PPP1R1C: variants seen among roughly 807,000 people sequenced by gnomAD.
The protein encoded by PPP1R1C is protein phosphatase 1 regulatory inhibitor subunit 1C.
A neutral mutation model predicts 17.4 loss-of-function variants in PPP1R1C; 15 were observed. That is an observed-to-expected ratio of 0.86 (90% CI 0.58 to 1.33). PPP1R1C has a LOEUF of 1.33. PPP1R1C is among the 40% of genes most tolerant of loss of function. The probability of loss-of-function intolerance (pLI) is 0.00; values close to 1 mark genes in which losing one functional copy is unlikely to be tolerated. For missense variants in PPP1R1C, 143 were observed against 130.0 expected, an observed-to-expected ratio of 1.10 and a Z score of -0.48; for synonymous variants, 35 against 43.1, an observed-to-expected ratio of 0.81 and a Z score of 0.73.
chr2:182,100,495 C>A, intron 4 of PPP1R1C, among the ~76,000 whole-genome samples: 1 of 146,418 alleles, frequency 6.8e-6, no homozygotes, highest in African/African-American at 2.5e-5. Flanking sequence ...AGCAACAGAG[C>A]GAGATTCCAT....
At chr2:181,956,912 A>G (rs758173962) in intron 1 of PPP1R1C, among the ~76,000 whole-genome samples, 4 of 152,236 alleles carry the variant, frequency 2.6e-5, no homozygotes, top group Admixed American at 6.5e-5. Flanking sequence ...GAAATGTTAC[A>G]TAATTTTGTT....
At chr2:181,999,755 G>T (rs2125148303) in intron 2 of PPP1R1C, among the ~76,000 whole-genome samples, 2 of 148,288 alleles carry the variant, frequency 1.3e-5, no homozygotes, top group South Asian at 2.1e-4. Flanking sequence ...GCTTATACTA[G>T]ATATTTTATT....
chr2:182,015,081 C>T (rs1686217527), intron 2 of PPP1R1C, among the ~76,000 whole-genome samples: 1 of 152,076 alleles, frequency 6.6e-6, no homozygotes, highest in Non-Finnish European at 1.5e-5. Context: ...AGACAAAGTC[C>T]CCTTTAGTCT....
intron 4 of PPP1R1C, among the ~76,000 whole-genome samples, chr2:182,093,151 C>T (rs988840890): frequency 3.9e-5 from 6 of 152,146 alleles, no homozygotes; most frequent in Admixed American, 3.9e-4. Context: ...GTTCCCAAAC[C>T]ACAATTCTTG....
chr2:182,103,704 C>T (rs1689165173), intron 4 of PPP1R1C: 3 of 152,162 alleles, frequency 2.0e-5, no homozygotes, highest in Admixed American at 2.0e-4. Context: ...AGAGTGTAAA[C>T]TGCATGTCCT....
chr2:181,973,562 C>T (rs1211516744), intron 1 of PPP1R1C, among the ~76,000 whole-genome samples: 2 of 152,130 alleles, frequency 1.3e-5, no homozygotes, highest in African/African-American at 2.4e-5. Flanking sequence ...CAGGAGAGAG[C>T]TATTTGTCAA....
chr2:182,066,327 T>C (rs1015184935), intron 4 of PPP1R1C, among the ~76,000 whole-genome samples: 1 of 152,144 alleles, frequency 6.6e-6, no homozygotes, highest in African/African-American at 2.4e-5. Context: ...TGTTATATTT[T>C]GTATCCTGAC....
intron 2 of PPP1R1C, among the ~76,000 whole-genome samples, chr2:182,022,475 T>C (rs1395636497): frequency 6.6e-6 from 1 of 152,210 alleles, no homozygotes; most frequent in Non-Finnish European, 1.5e-5. Context: ...AACTTTAAAA[T>C]GTGGCAGTGA....
chr2:182,047,183 TA>T (rs1260147243), intron 2 of PPP1R1C, among the ~76,000 whole-genome samples: 1 of 152,182 alleles, frequency 6.6e-6, no homozygotes, highest in Non-Finnish European at 1.5e-5. Flanking sequence ...AAATTGGTCA[TA>T]AGACTTTATT....
chr2:182,035,866 C>T (rs959033494), intron 2 of PPP1R1C, among the ~76,000 whole-genome samples: 1 of 152,120 alleles, frequency 6.6e-6, no homozygotes, highest in African/African-American at 2.4e-5. Context: ...ATACAGTATT[C>T]TTGCTACCAA....
chr2:182,096,423 T>C (rs1224602861), intron 4 of PPP1R1C, among the ~76,000 whole-genome samples: 3 of 151,758 alleles, frequency 2.0e-5, no homozygotes, highest in Admixed American at 2.0e-4. Context: ...GTGCCATCTT[T>C]TGGGGTATTG....
intron 4 of PPP1R1C, among the ~76,000 whole-genome samples, chr2:182,079,078 A>T (rs1397905048): frequency 6.6e-6 from 1 of 152,256 alleles, no homozygotes; most frequent in East Asian, 1.9e-4. Context: ...TCAGAAATAT[A>T]GTTGACTCTA....
intron 4 of PPP1R1C, among the ~76,000 whole-genome samples, chr2:182,081,148 G>T (rs1165620354): frequency 6.6e-6 from 1 of 152,202 alleles, no homozygotes; most frequent in East Asian, 1.9e-4. Context: ...GTGTGCAGTT[G>T]TTGGGAAGAA....
chr2:182,007,711 C>CA lies in PPP1R1C; in HGVS notation c.142+19818dup, dbSNP rs1250646526. Among the ~76,000 whole-genome samples the CA allele has an allele frequency of 9.2e-5, 14 of 152,152 alleles. No homozygotes were observed. In the East Asian group the frequency reaches 2.7e-3, roughly 29 times the overall value. ...GACTAGGAGTTTTATCTGGACCTAT[C>CA]AAAAAATGTAAGGCCTGAAAATTTT... On this transcript the variant is annotated intron_variant, in intron 2 of 4. Transcript: ENST00000682840.
At chr2:182,123,240 T>TCC (rs1689778981) in intron 5 of PPP1R1C, among the ~76,000 whole-genome samples, 1 of 152,262 alleles carries the variant, frequency 6.6e-6, no homozygotes, top group Non-Finnish European at 1.5e-5. Flanking sequence ...ATTTTATTTA[T>TCC]CCAGTCAATC....
intron 2 of PPP1R1C, among the ~76,000 whole-genome samples, chr2:181,991,721 C>G (rs187040468): frequency 6.6e-6 from 1 of 152,140 alleles, no homozygotes; most frequent in African/African-American, 2.4e-5. Context: ...CAAACTGCCT[C>G]TCTGTATTTT....
At chr2:182,092,847 T>C (rs1688821683) in intron 4 of PPP1R1C, among the ~76,000 whole-genome samples, 2 of 152,138 alleles carry the variant, frequency 1.3e-5, no homozygotes, top group Non-Finnish European at 2.9e-5. Context: ...CTTTGCAGGG[T>C]ACAGCCTCCC....
At chr2:182,096,676 C>T in intron 4 of PPP1R1C, among the ~76,000 whole-genome samples, 1 of 133,158 alleles carries the variant, frequency 7.5e-6, no homozygotes, top group East Asian at 2.1e-4. Flanking sequence ...TTCCCTTCCT[C>T]CAGATGATTA....
chr2:182,052,499 A>G lies in PPP1R1C; in HGVS notation c.143-8943A>G, dbSNP rs145402515. On this transcript the variant is annotated intron_variant, in intron 2 of 4. Coordinates refer to ENST00000682840, the MANE Select transcript of PPP1R1C (RefSeq NM_001080545.3). ...TCTTTTGTGTGTCATATCATCCCAC[A>G]CAGCAATGGTAGTTTTGTGAAATTT... Among the ~76,000 whole-genome samples the G allele has an allele frequency of 1.3e-3, 195 of 152,334 alleles. 1 individual carries two copies. The highest frequency in any genetic ancestry group is 4.2e-3 in the African/African-American group (176 of 41,582).
Sources: allele counts gnomAD v4.1 joint callset (sites outside exome capture counted in the v4.1 genomes callset), GRCh38; gene constraint gnomAD v4.1.1; transcripts MANE v1.5; gene names NCBI Gene and HGNC (gene_info 2026-07-23, HGNC 2026-07-21).